Variants in LRRC28 observed in about 807,000 individuals in gnomAD.
LRRC28 encodes leucine-rich repeat-containing protein 28.
In LRRC28, 39 loss-of-function variants were observed where a neutral mutation model predicts 45.7. The observed-to-expected ratio is 0.85, with a 90% CI of 0.66 to 1.12. The LOEUF (loss-of-function observed/expected upper bound fraction) is 1.12, where lower values mean the gene tolerates loss of function less well. Ranked by LOEUF, LRRC28 falls within the 50% of genes most tolerant of loss-of-function variation. The pLI is 0.00. For synonymous variants in LRRC28, 206 were observed against 178.8 expected, an observed-to-expected ratio of 1.15 and a Z score of -1.22; for missense variants, 435 against 438.5, an observed-to-expected ratio of 0.99 and a Z score of 0.07.
chr15:99,276,713 T>C, intron 3 of LRRC28, 97 bp downstream of exon 3: 1 of 988,706 alleles, frequency 1.0e-6, no homozygotes, highest in African/African-American at 1.7e-5. Flanking sequence ...ATTAATTTGT[T>C]ATTTTTTGGT....
chr15:99,344,243 CTT>C (rs1353791958), intron 6 of LRRC28, among the ~76,000 whole-genome samples: 1 of 152,202 alleles, frequency 6.6e-6, no homozygotes, highest in Non-Finnish European at 1.5e-5. Context: ...GAAAGGTACT[CTT>C]ATCCCCTTGT....
intron 9 of LRRC28, among the ~76,000 whole-genome samples, chr15:99,385,797 C>T (rs1253007851): frequency 1.1e-4 from 16 of 148,718 alleles, no homozygotes; most frequent in Non-Finnish European, 2.1e-4. Context: ...ATCTTCTGAA[C>T]GCTGCTATTA....
intron 2 of LRRC28, chr15:99,260,116 TC>T: frequency 2.3e-6 from 1 of 432,802 alleles, no homozygotes; most frequent in South Asian, 2.1e-5. Flanking sequence ...CCCCCACCAG[TC>T]CCCTTCTCCC....
At chr15:99,358,195 A>G (rs1957099367) in intron 7 of LRRC28, among the ~76,000 whole-genome samples, 1 of 152,204 alleles carries the variant, frequency 6.6e-6, no homozygotes. Context: ...GGAAAATGTC[A>G]TTTATCTTTG....
Position 99,389,633 on chromosome 15 carries a change from T to C in LRRC28, c.*3531T>C, listed in dbSNP as rs944478876. On this transcript the variant is annotated 3_prime_UTR_variant, in exon 10 of 10. Transcript: ENST00000301981. ...CTCATAAACACACTCTCTTTAAGAC[T>C]CTTCTTTAAATGGATCCTTACATTA... The C allele has an allele frequency of 6.6e-6, 1 of 152,150 alleles. No homozygotes were observed. The highest frequency in any genetic ancestry group is 1.9e-4 in the East Asian group (1 of 5,200). 9.4% of individuals were successfully genotyped at this position (152,150 alleles called of 1,614,324 possible).
chr15:99,286,467 A>G (rs1025363820), intron 3 of LRRC28, among the ~76,000 whole-genome samples: 2 of 152,218 alleles, frequency 1.3e-5, no homozygotes, highest in Non-Finnish European at 2.9e-5. Context: ...AAATAAAACC[A>G]TAGGTTTTTA....
chr15:99,259,272 CATTT>C, intron 2 of LRRC28: 1 of 1,078,588 alleles, frequency 9.3e-7, no homozygotes, highest in Non-Finnish European at 1.4e-6. Context: ...GAATCTTCTC[CATTT>C]GTTTAGCGAC....
chr15:99,264,392 G>A (rs182012603), intron 2 of LRRC28, among the ~76,000 whole-genome samples: 1 of 152,136 alleles, frequency 6.6e-6, no homozygotes, highest in African/African-American at 2.4e-5. Flanking sequence ...AGCGGGGAGT[G>A]GGGGGTGGAA....
At chr15:99,258,446 A>T in intron 2 of LRRC28, 6 of 865,198 alleles carry the variant, frequency 6.9e-6, no homozygotes, top group Non-Finnish European at 1.2e-5. Context: ...CAGTTCATAA[A>T]CTTTCCTATT....
At chr15:99,345,865 T>G (rs1483392079) in intron 6 of LRRC28, among the ~76,000 whole-genome samples, 1 of 152,236 alleles carries the variant, frequency 6.6e-6, no homozygotes, top group Admixed American at 6.5e-5. Flanking sequence ...ATTTAACATA[T>G]GAGCAAACAG....
chr15:99,259,660 G>A, intron 2 of LRRC28: 1 of 1,401,374 alleles, frequency 7.1e-7, no homozygotes. Context: ...CGAGTCGGAA[G>A]AAAACATTTG....
At chr15:99,315,824 T>C (rs1955573433) in intron 5 of LRRC28, among the ~76,000 whole-genome samples, 2 of 152,132 alleles carry the variant, frequency 1.3e-5, no homozygotes, top group African/African-American at 4.8e-5. Flanking sequence ...GGTAGGAAGA[T>C]AGTTTGAGGC....
chr15:99,268,085 C>T (rs145912738), intron 2 of LRRC28, among the ~76,000 whole-genome samples: 4 of 152,136 alleles, frequency 2.6e-5, no homozygotes, highest in African/African-American at 9.6e-5. Flanking sequence ...GTTAGTTTTG[C>T]TTCATTTTAA....
intron 5 of LRRC28, among the ~76,000 whole-genome samples, chr15:99,305,464 A>G (rs1490813980): frequency 1.3e-5 from 2 of 152,232 alleles, no homozygotes; most frequent in East Asian, 3.8e-4. Flanking sequence ...AGTAAAATGA[A>G]TGCTACTTTG....
At chr15:99,257,608 T>TGC in intron 2 of LRRC28, 1 of 664,292 alleles carries the variant, frequency 1.5e-6, no homozygotes, top group Admixed American at 2.1e-5. Context: ...GAAAGGGACT[T>TGC]GAGACTCACC....
At chr15:99,347,595 G>T (rs1446010735) in intron 6 of LRRC28, among the ~76,000 whole-genome samples, 2 of 152,176 alleles carry the variant, frequency 1.3e-5, no homozygotes, top group Non-Finnish European at 2.9e-5. Context: ...GATTCATCCA[G>T]GTTTGGCATA....
chr15:99,314,654 G>T (rs1227851077), intron 5 of LRRC28, among the ~76,000 whole-genome samples: 1 of 152,122 alleles, frequency 6.6e-6, no homozygotes, highest in Non-Finnish European at 1.5e-5. Context: ...TTCATTTACT[G>T]AGATGGTATT....
chr15:99,252,161 C>A (rs975846531), intron 1 of LRRC28, among the ~76,000 whole-genome samples: 2 of 152,124 alleles, frequency 1.3e-5, no homozygotes, highest in African/African-American at 4.8e-5. Flanking sequence ...TACTATTTGC[C>A]TTAACTACAT....
intron 2 of LRRC28, among the ~76,000 whole-genome samples, chr15:99,263,167 A>T (rs1300304965): frequency 3.3e-5 from 5 of 151,058 alleles, no homozygotes; most frequent in Non-Finnish European, 5.9e-5. Context: ...AAAAAAAAAA[A>T]AATAGCTGGT....
Sources: gnomAD v4.1 joint callset for allele counts (sites outside exome capture counted in the v4.1 genomes callset) on GRCh38, gnomAD v4.1.1 for gene constraint, MANE v1.5 for transcripts, NCBI Gene and HGNC (gene_info 2026-07-23, HGNC 2026-07-21) for gene names.